TTC27: variants seen among roughly 807,000 people sequenced by gnomAD.
The protein encoded by TTC27 is tetratricopeptide repeat domain 27, also known as tetratricopeptide repeat protein 27.
In TTC27, 79 loss-of-function variants were observed where a neutral mutation model predicts 115.9. The observed-to-expected ratio is 0.68, with a 90% confidence interval of 0.57 to 0.82. The LOEUF is 0.82. Among genes scored for constraint, TTC27 ranks in the 40% least tolerant of loss-of-function variants. The probability of loss-of-function intolerance (pLI) is 0.00; values close to 1 mark genes in which losing one functional copy is unlikely to be tolerated. For synonymous variants in TTC27, 401 were observed against 356.0 expected, an observed-to-expected ratio of 1.13 and a Z score of -1.42; for missense variants, 1,054 against 993.1, an observed-to-expected ratio of 1.06 and a Z score of -0.82.
In TTC27 at chr2:32,664,238, A is replaced by G. The variant is rs1484445795; in HGVS notation, c.641-65A>G. ...ATATACTTTATGTATTATAGACTCT[A>G]TTTTACACATTAATATATTTTTCTT... On this transcript the variant is annotated intron_variant, in intron 5 of 19. Transcript: ENST00000317907. The G allele has an allele frequency of 4.2e-6, 6 of 1,412,180 alleles. No individual in the cohort carries two copies. In the African/African-American group the frequency reaches 7.2e-5, roughly 17 times the overall value. 87.5% of individuals were successfully genotyped at this position (1,412,180 alleles called of 1,614,324 possible). A position where few individuals can be genotyped will look rare whatever the true frequency, so the allele number is the denominator to read the frequency against.
intron 5 of TTC27, among the ~76,000 whole-genome samples, chr2:32,660,906 T>G (rs552856252): frequency 6.6e-6 from 1 of 151,730 alleles, no homozygotes; most frequent in East Asian, 1.9e-4. Context: ...TTTTAGGTCT[T>G]ACGTTTAAGT....
intron 3 of TTC27, 138 bp downstream of exon 3, chr2:32,634,143 C>T (rs1483942241): frequency 2.0e-6 from 2 of 1,022,330 alleles, no homozygotes; most frequent in Admixed American, 6.1e-5. Context: ...AATGCTTGTT[C>T]ATTGATCAGA....
chr2:32,721,705 AGT>A (rs1491061238), intron 10 of TTC27, among the ~76,000 whole-genome samples: 21 of 97,634 alleles, frequency 2.2e-4, no homozygotes, highest in South Asian at 8.0e-4. Flanking sequence ...AACTCACTGG[AGT>A]ACAGTGGAAT....
chr2:32,780,146 A>G, intron 14 of TTC27: 1 of 454,954 alleles, frequency 2.2e-6, no homozygotes, highest in Non-Finnish European at 4.6e-6. Context: ...CCTTTACAAG[A>G]TAGTTTTGGC....
intron 12 of TTC27, among the ~76,000 whole-genome samples, chr2:32,751,875 A>G (rs888229486): frequency 6.6e-6 from 1 of 152,214 alleles, no homozygotes; most frequent in African/African-American, 2.4e-5. Context: ...ACAATGTCTT[A>G]TCATGGAGAC....
At chr2:32,687,026 G>T (rs1666655371) in intron 9 of TTC27, among the ~76,000 whole-genome samples, 1 of 151,948 alleles carries the variant, frequency 6.6e-6, no homozygotes, top group African/African-American at 2.4e-5. Context: ...CGTATTTTTA[G>T]TAGAGATGGG....
intron 4 of TTC27, among the ~76,000 whole-genome samples, chr2:32,641,684 CT>C (rs892166165): frequency 2.0e-5 from 3 of 148,660 alleles, no homozygotes; most frequent in Non-Finnish European, 3.0e-5. Flanking sequence ...ATAGTTCTTT[CT>C]TTTTTTTTTC....
intron 5 of TTC27, 120 bp downstream of exon 5, chr2:32,650,353 C>CTTTT (rs368973893): frequency 1.2e-4 from 26 of 212,486 alleles, no homozygotes; most frequent in Middle Eastern, 3.0e-3. Flanking sequence ...TGAGTTGTTT[C>CTTTT]TTTTTTTTTT....
At chr2:32,692,208 A>G (rs1358072342) in intron 9 of TTC27, among the ~76,000 whole-genome samples, 2 of 151,962 alleles carry the variant, frequency 1.3e-5, no homozygotes. Flanking sequence ...TGAATCCACC[A>G]ACTTTCTGAG....
intron 16 of TTC27, among the ~76,000 whole-genome samples, chr2:32,808,543 C>A (rs199529217): frequency 1.8e-4 from 28 of 152,330 alleles, no homozygotes; most frequent in African/African-American, 5.8e-4. Flanking sequence ...GTCTACCCCC[C>A]ACAACAGACA....
chr2:32,775,290 T>C (rs537688253), intron 13 of TTC27, among the ~76,000 whole-genome samples: 26 of 152,166 alleles, frequency 1.7e-4, no homozygotes, highest in South Asian at 4.1e-4. Flanking sequence ...CTCCACCTCC[T>C]GGGTTCACGC....
chr2:32,749,453 C>T (rs1018342895), intron 12 of TTC27, among the ~76,000 whole-genome samples: 12 of 152,196 alleles, frequency 7.9e-5, no homozygotes, highest in Non-Finnish European at 1.2e-4. Flanking sequence ...TGGAATGGTA[C>T]AAGTTAAAAT....
At chr2:32,704,169 A>G (rs1667284906) in intron 10 of TTC27, among the ~76,000 whole-genome samples, 2 of 152,284 alleles carry the variant, frequency 1.3e-5, no homozygotes, top group South Asian at 4.1e-4. Context: ...GGACTATAGT[A>G]ATTAATGAAA....
At chr2:32,763,414 G>A (rs1284136138) in intron 13 of TTC27, among the ~76,000 whole-genome samples, 1 of 152,168 alleles carries the variant, frequency 6.6e-6, no homozygotes, top group African/African-American at 2.4e-5. Flanking sequence ...AAAGAATTAG[G>A]TTAAATAACA....
At chr2:32,642,152 C>T (rs1032989665) in intron 4 of TTC27, among the ~76,000 whole-genome samples, 13 of 151,498 alleles carry the variant, frequency 8.6e-5, no homozygotes, top group Non-Finnish European at 1.8e-4. Flanking sequence ...CCACTGTGCC[C>T]GGCCCAAGCA....
At chr2:32,643,603 A>G (rs969075291) in intron 4 of TTC27, among the ~76,000 whole-genome samples, 6 of 151,988 alleles carry the variant, frequency 3.9e-5, no homozygotes, top group Non-Finnish European at 2.9e-5. Context: ...CACTGTGCCC[A>G]GCTACTTTAC....
In TTC27 at chr2:32,630,694, C is replaced by G; in HGVS notation, c.260C>G (p.Thr87Arg). The change falls in exon 2 of 20, where the codon ACG becomes AGG. Residue 87 changes from threonine to arginine, a missense_variant. Coordinates refer to ENST00000317907, the MANE Select transcript of TTC27 (RefSeq NM_017735.5). ...FLDYSTDLDTTERQQLIFLLG... is the reference protein window; with the variant it reads ...FLDYSTDLDTRERQQLIFLLG... ...GATTACTCAACAGATTTGGACACAA[C>G]GGAAAGGTAGAATTTTATTTGAAAT... 6.3e-7 allele frequency: 1 copy of G among 1,598,274 alleles called. No homozygotes were observed. The highest frequency in any genetic ancestry group is 8.5e-7 in the Non-Finnish European group (1 of 1,174,798).
intron 10 of TTC27, among the ~76,000 whole-genome samples, chr2:32,728,466 C>T (rs984970227): frequency 1.1e-4 from 16 of 152,190 alleles, no homozygotes; most frequent in Non-Finnish European, 2.9e-5. Flanking sequence ...GTTTCTGGGG[C>T]AGAAGCAATA....
At chr2:32,808,959 A>G (rs1371540533) in intron 16 of TTC27, among the ~76,000 whole-genome samples, 1 of 152,254 alleles carries the variant, frequency 6.6e-6, no homozygotes, top group Non-Finnish European at 1.5e-5. Flanking sequence ...TTAAAACACC[A>G]GTGGGATTGT....
Sources: allele counts gnomAD v4.1 joint callset (sites outside exome capture counted in the v4.1 genomes callset), GRCh38; gene constraint gnomAD v4.1.1; transcripts MANE v1.5; gene names NCBI Gene and HGNC (gene_info 2026-07-23, HGNC 2026-07-21).